Variants in RNF145 observed in about 807,000 individuals in gnomAD.
RNF145 encodes the protein ring finger protein 145.
RNF145 carries 12 observed loss-of-function variants against 57.3 expected under a neutral mutation model. That is an observed-to-expected ratio of 0.21 (90% CI 0.13 to 0.34). The LOEUF is 0.34. RNF145 is among the 10% of genes least tolerant of loss of function. RNF145 has a pLI of 1.00. For missense variants in RNF145, 429 were observed against 799.0 expected (o/e 0.54, Z 5.58); for synonymous variants, 262 against 288.3 (o/e 0.91, Z 0.92).
chr5:159,208,969 C>T (rs549520676), intron 1 of RNF145, among the ~76,000 whole-genome samples: 1 of 150,188 alleles, frequency 6.7e-6, no homozygotes, highest in African/African-American at 2.5e-5. Flanking sequence ...TTGCGCGGGG[C>T]CCAGGAGGGG....
chr5:159,188,139 T>C (rs1785147945), intron 3 of RNF145, among the ~76,000 whole-genome samples: 2 of 152,020 alleles, frequency 1.3e-5, no homozygotes, highest in Admixed American at 6.5e-5. Context: ...TCCCAGCACT[T>C]TGGAAGGCCA....
rs1034807983 is a variant in RNF145 at position 159,157,578 on chromosome 5, T to C, written c.*1092A>G. 2 of 151,504 alleles carry C rather than the reference T, an allele frequency of 1.3e-5. No homozygotes were observed. The highest frequency in any genetic ancestry group is 3.0e-5 in the Non-Finnish European group (2 of 67,354). The allele number at this position is 151,504 out of a possible 1,614,324, so 9.4% of individuals were successfully genotyped here. Reference sequence around the variant, plus strand: ...TAAATAAATGACTAGTTTCTTTTCATATCAAAATTCCCATAAAAAATTACA... The same window carrying C: ...TAAATAAATGACTAGTTTCTTTTCACATCAAAATTCCCATAAAAAATTACA... On this transcript the variant is annotated 3_prime_UTR_variant, in exon 11 of 11. Transcript: ENST00000424310.
chr5:159,205,121 C>T (rs1785829671), intron 1 of RNF145, among the ~76,000 whole-genome samples: 1 of 152,090 alleles, frequency 6.6e-6, no homozygotes, highest in African/African-American at 2.4e-5. Context: ...GGCACACTAT[C>T]AATAAAAGCT....
chr5:159,209,185 C>T (rs1467834985), intron 1 of RNF145, 46 bp downstream of exon 1: 2 of 727,780 alleles, frequency 2.7e-6, no homozygotes, highest in African/African-American at 6.4e-5. Flanking sequence ...GGGAAGCGGC[C>T]GGGGGGCGCG....
At chr5:159,209,124 G>A (rs1420407837) in intron 1 of RNF145, 107 bp downstream of exon 1, 2 of 265,978 alleles carry the variant, frequency 7.5e-6, no homozygotes, top group Non-Finnish European at 1.2e-5. Context: ...GGGGCGAACA[G>A]GGAGAAGAGG....
Position 159,209,281 on chromosome 5 carries a change from T to C in RNF145, c.-90A>G. The C allele has an allele frequency of 1.0e-6, 1 of 985,182 alleles. No homozygotes were observed. Among genetic ancestry groups the C allele is most frequent in the Non-Finnish European group, 1.2e-6 (1 of 829,840 alleles). 61.0% of individuals were successfully genotyped at this position (985,182 alleles called of 1,614,324 possible). A position where few individuals can be genotyped will look rare whatever the true frequency, so the allele number is the denominator to read the frequency against. On this transcript the variant is annotated 5_prime_UTR_variant, in exon 1 of 11. Transcript: ENST00000424310. The stretch of plus-strand genomic sequence containing the variant: ...GGAGCGGCGCTGCCGGCGGGCGGGC[T>C]CCGCAACTCCCCGGCTCTCTCGCCC...
At chr5:159,207,541 T>C (rs1785936719) in intron 1 of RNF145, 1 of 1,576,714 alleles carries the variant, frequency 6.3e-7, no homozygotes, top group Admixed American at 1.9e-5. Context: ...AAACTGATCT[T>C]AAGAAAAGTA....
intron 4 of RNF145, among the ~76,000 whole-genome samples, chr5:159,181,005 T>C (rs970999453): frequency 6.6e-6 from 1 of 151,890 alleles, no homozygotes; most frequent in Non-Finnish European, 1.5e-5. Context: ...AGGCGACGGA[T>C]GCACCAAAAT....
chr5:159,160,131 A>C (rs1408268067), intron 10 of RNF145, among the ~76,000 whole-genome samples: 1 of 151,998 alleles, frequency 6.6e-6, no homozygotes, highest in Non-Finnish European at 1.5e-5. Context: ...AGGTGCTCCG[A>C]CTCTGTTTTT....
chr5:159,184,689 T>C (rs1056306559), intron 3 of RNF145, among the ~76,000 whole-genome samples: 5 of 152,190 alleles, frequency 3.3e-5, no homozygotes, highest in Admixed American at 2.0e-4. Flanking sequence ...CCTTTTACTT[T>C]TTTATCTTAA....
chr5:159,179,398 T>C (rs1051259459), intron 4 of RNF145, among the ~76,000 whole-genome samples: 1 of 152,096 alleles, frequency 6.6e-6, no homozygotes, highest in Non-Finnish European at 1.5e-5. Context: ...CTATTAGAAA[T>C]ATCTCCAAGA....
intron 3 of RNF145, among the ~76,000 whole-genome samples, chr5:159,183,609 T>A (rs1784965668): frequency 6.6e-6 from 1 of 152,206 alleles, no homozygotes; most frequent in Non-Finnish European, 1.5e-5. Context: ...AATGCATATA[T>A]AAATAGTATT....
At chr5:159,200,098 C>T (rs1445961636) in intron 2 of RNF145, among the ~76,000 whole-genome samples, 2 of 152,074 alleles carry the variant, frequency 1.3e-5, no homozygotes, top group Non-Finnish European at 2.9e-5. Flanking sequence ...CCAGGCCAGC[C>T]TGGGCAACAC....
chr5:159,159,127 C>A, intron 10 of RNF145, 92 bp from the exon 11 acceptor site: 2 of 1,175,360 alleles, frequency 1.7e-6, no homozygotes, highest in Non-Finnish European at 2.4e-6. Flanking sequence ...CATCTCTTTC[C>A]CACAATAGAA....
chr5:159,208,610 G>A (rs1314593797), intron 1 of RNF145, among the ~76,000 whole-genome samples: 2 of 152,080 alleles, frequency 1.3e-5, no homozygotes, highest in African/African-American at 4.8e-5. Flanking sequence ...AGGCCCTTCC[G>A]CACCCCCAAA....
chr5:159,161,972 C>T (rs1028019500), intron 9 of RNF145, among the ~76,000 whole-genome samples: 1 of 152,110 alleles, frequency 6.6e-6, no homozygotes, highest in African/African-American at 2.4e-5. Context: ...CTTAATTTTC[C>T]TCATACCATA....
At chr5:159,199,209 T>C (rs1202291771) in intron 2 of RNF145, among the ~76,000 whole-genome samples, 3 of 151,884 alleles carry the variant, frequency 2.0e-5, no homozygotes, top group Non-Finnish European at 4.4e-5. Context: ...CAGACTACAG[T>C]GGTCAAAAAG....
intron 8 of RNF145, among the ~76,000 whole-genome samples, chr5:159,168,631 T>C (rs1784456466): frequency 6.6e-6 from 1 of 152,290 alleles, no homozygotes; most frequent in African/African-American, 2.4e-5. Context: ...AGTTAACTTA[T>C]AATTACATGG....
At chr5:159,160,326 T>G (rs1311931842) in intron 10 of RNF145, among the ~76,000 whole-genome samples, 4 of 152,116 alleles carry the variant, frequency 2.6e-5, no homozygotes, top group Non-Finnish European at 5.9e-5. Flanking sequence ...AAAAGTATGT[T>G]CTAATCAAAA....
Sources: allele counts gnomAD v4.1 joint callset (sites outside exome capture counted in the v4.1 genomes callset), GRCh38; gene constraint gnomAD v4.1.1; transcripts MANE v1.5; gene names NCBI Gene and HGNC (gene_info 2026-07-23, HGNC 2026-07-21).